PRIM2: variants seen among roughly 807,000 people sequenced by gnomAD.
The protein encoded by PRIM2 is DNA primase subunit 2.
In PRIM2, 39 loss-of-function variants were observed where a neutral mutation model predicts 67.3. That is an observed-to-expected ratio of 0.58 (90% CI 0.45 to 0.76). PRIM2 has a LOEUF of 0.76. Among genes scored for constraint, PRIM2 ranks in the 30% least tolerant of loss-of-function variants. PRIM2 has a pLI of 0.00. For synonymous variants in PRIM2, 143 were observed against 198.7 expected (o/e 0.72, Z 2.36); for missense variants, 398 against 598.7 (o/e 0.66, Z 3.50).
intron 10 of PRIM2, among the ~76,000 whole-genome samples, chr6:57,584,107 C>T (rs1472314838): frequency 1.3e-5 from 2 of 151,720 alleles, no homozygotes; most frequent in African/African-American, 4.8e-5. Flanking sequence ...TACTCAATTC[C>T]CCATTAGGAA....
intron 7 of PRIM2, among the ~76,000 whole-genome samples, chr6:57,424,537 A>G (rs1771559378): frequency 6.6e-6 from 1 of 152,208 alleles, no homozygotes; most frequent in Non-Finnish European, 1.5e-5. Context: ...TAAACAGCGT[A>G]TCAAGAATGG....
chr6:57,563,869 C>T (rs1420507038), intron 10 of PRIM2, among the ~76,000 whole-genome samples: 7 of 152,160 alleles, frequency 4.6e-5, no homozygotes, highest in Admixed American at 4.6e-4. Flanking sequence ...CCATATTGGT[C>T]AAGCTGTTCT....
intron 5 of PRIM2, among the ~76,000 whole-genome samples, chr6:57,338,576 T>A (rs1341678312): frequency 6.6e-6 from 1 of 151,224 alleles, no homozygotes; most frequent in African/African-American, 2.4e-5. Context: ...ATAAATGTAA[T>A]CCAGCATATA....
At chr6:57,601,338 C>T (rs1776460453) in intron 11 of PRIM2, 119 bp downstream of exon 11, 1 of 1,089,610 alleles carries the variant, frequency 9.2e-7, no homozygotes, top group Non-Finnish European at 1.3e-6. Context: ...TATCTTATCT[C>T]AGTCGTCACT....
In PRIM2 at chr6:57,371,727, C is replaced by T. The variant is rs9475894; in HGVS notation, c.460-8174C>T. ...TACTTAAAAAGCAATGAAAGAGCATCGTGAAGACATGAAGATTTCTTCTCC... is the reference window on the plus strand; with the variant it reads ...TACTTAAAAAGCAATGAAAGAGCATTGTGAAGACATGAAGATTTCTTCTCC... On this transcript the variant is annotated intron_variant, in intron 5 of 13. Coordinates refer to ENST00000615550, the MANE Select transcript of PRIM2 (RefSeq NM_000947.5). 3.0e-4 allele frequency among the ~76,000 whole-genome samples: 45 copies of T among 152,308 alleles called. 1 individual carries two copies. Among genetic ancestry groups the T allele is most frequent in the Non-Finnish European group, 5.4e-4 (37 of 68,010 alleles).
At position 57,318,510 on chromosome 6, in the gene PRIM2, A is replaced by AC. The variant is rs1228075213; in HGVS notation, c.68dup (p.His24SerfsTer12). 1 of 1,606,994 alleles carries AC rather than the reference A, an allele frequency of 6.2e-7. No individual in the cohort carries two copies. The highest frequency in any genetic ancestry group is 1.3e-5 in the African/African-American group (1 of 74,970). On this transcript the variant is annotated frameshift_variant, in exon 2 of 14. Transcript: ENST00000615550. LOFTEE classifies it high-confidence loss of function. ...GCAGGTGACCAGAGGAATGCTTCCT[A>AC]CCCTCATTGCCTTCAGTTTTACTTG...
rs1776920651 is a variant in PRIM2, at chr6:57,624,873, CA to C, written c.1231-7259del. Among the ~76,000 whole-genome samples, 3 of 152,194 alleles carry C rather than the reference CA, an allele frequency of 2.0e-5. No homozygotes were observed. The South Asian group carries it at 6.2e-4, about 31-fold the overall frequency. On this transcript the variant is annotated intron_variant, in intron 12 of 13. Transcript: ENST00000615550. ...AAGAAAAAAAGGTTTAATGGACTCA[CA>C]GTTCCATGTGGCATAGGAGGCCTCA...
chr6:57,531,799 G>A (rs1283299177), intron 8 of PRIM2, among the ~76,000 whole-genome samples: 6 of 152,160 alleles, frequency 3.9e-5, no homozygotes, highest in African/African-American at 1.2e-4. Flanking sequence ...ATACAGAAAC[G>A]CTCTTTCAGG....
the PRIM2 span, among the ~76,000 whole-genome samples, chr6:57,227,641 CAA>C: frequency 3.8e-3 from 322 of 84,034 alleles, 1 homozygote; most frequent in African/African-American, 8.5e-3. Flanking sequence ...GAGACCATCT[CAA>C]AAAAAAAAAA....
intron 5 of PRIM2, among the ~76,000 whole-genome samples, chr6:57,342,096 A>T (rs1489833080): frequency 1.3e-5 from 2 of 152,134 alleles, no homozygotes; most frequent in Non-Finnish European, 2.9e-5. Context: ...ATAAAAAGGG[A>T]TCATTAATTT....
At chr6:57,224,637 A>G in the PRIM2 span, among the ~76,000 whole-genome samples, 2 of 141,692 alleles carry the variant, frequency 1.4e-5, no homozygotes, top group Admixed American at 7.0e-5. Flanking sequence ...TTTTAATGGG[A>G]AAAAAAAAAA....
intron 10 of PRIM2, among the ~76,000 whole-genome samples, chr6:57,595,284 G>A (rs2127489762): frequency 6.6e-6 from 1 of 152,186 alleles, no homozygotes; most frequent in South Asian, 2.1e-4. Flanking sequence ...ACTTGATTGA[G>A]AATAGCCAAA....
chr6:57,539,952 C>G (rs1342734661), intron 10 of PRIM2, among the ~76,000 whole-genome samples: 1 of 151,126 alleles, frequency 6.6e-6, no homozygotes, highest in Admixed American at 6.6e-5. Flanking sequence ...TGAGATCGCA[C>G]CACTGCACTC....
At chr6:57,280,386 C>T in the PRIM2 span, among the ~76,000 whole-genome samples, 1 of 149,164 alleles carries the variant, frequency 6.7e-6, no homozygotes, top group African/African-American at 2.5e-5. Flanking sequence ...ACTTTGTATT[C>T]TTTTTTTTTT....
upstream of PRIM2, among the ~76,000 whole-genome samples, chr6:57,311,023 G>A (rs1285226772): frequency 8.1e-5 from 12 of 148,838 alleles, no homozygotes; most frequent in Admixed American, 5.3e-4. Flanking sequence ...CTAGGCGGCC[G>A]GGCAGAGACA....
At chr6:57,256,036 C>A in the PRIM2 span, among the ~76,000 whole-genome samples, 2 of 148,030 alleles carry the variant, frequency 1.4e-5, no homozygotes, top group African/African-American at 5.0e-5. Flanking sequence ...CACACACACA[C>A]ACACACACAC....
intron 10 of PRIM2, among the ~76,000 whole-genome samples, chr6:57,560,815 AACAGAT>A (rs1775612809): frequency 6.6e-6 from 1 of 152,170 alleles, no homozygotes; most frequent in South Asian, 2.1e-4. Context: ...CTCTGCTATA[AACAGAT>A]ATGCTGTTAC....
chr6:57,632,294 T>C lies in PRIM2; in HGVS notation c.1299+93T>C, dbSNP rs1777048055. The C allele has an allele frequency of 6.5e-5, 40 of 617,946 alleles. No homozygotes were observed. In the South Asian group the frequency reaches 1.4e-3, roughly 21 times the overall value. The allele number at this position is 617,946 out of a possible 1,614,324, so 38.3% of individuals were successfully genotyped here. A position where few individuals can be genotyped will look rare whatever the true frequency, so the allele number is the denominator to read the frequency against. ...TTAGTTGCAGCAATGGAAACCACTCTAGCTATTTTCAGCAGAAAAGGGGAT... is the reference window on the plus strand; with the variant it reads ...TTAGTTGCAGCAATGGAAACCACTCCAGCTATTTTCAGCAGAAAAGGGGAT... On this transcript the variant is annotated intron_variant, in intron 13 of 13. Transcript: ENST00000615550.
intron 13 of PRIM2, among the ~76,000 whole-genome samples, chr6:57,634,929 T>C (rs1777094285): frequency 6.6e-6 from 1 of 152,204 alleles, no homozygotes; most frequent in Non-Finnish European, 1.5e-5. Flanking sequence ...ACTAGATCTC[T>C]CACTGTGGAC....
Sources: allele counts gnomAD v4.1 joint callset (sites outside exome capture counted in the v4.1 genomes callset), GRCh38; gene constraint gnomAD v4.1.1; transcripts MANE v1.5; gene names NCBI Gene and HGNC (gene_info 2026-07-23, HGNC 2026-07-21).